PCDH15: variants seen among roughly 807,000 people sequenced by gnomAD.
PCDH15 encodes protocadherin related 15.
Under a neutral mutation model 178.5 loss-of-function variants are expected in PCDH15, and 129 were observed. That is an observed-to-expected ratio of 0.72 (90% CI 0.63 to 0.84). PCDH15 has a LOEUF of 0.84. Among genes scored for constraint, PCDH15 ranks in the 40% least tolerant of loss-of-function variants. PCDH15 has a pLI of 0.00. For missense variants in PCDH15, 2,230 were observed against 2,099.9 expected, an observed-to-expected ratio of 1.06 and a Z score of -1.21; for synonymous variants, 800 against 732.0, an observed-to-expected ratio of 1.09 and a Z score of -1.50.
intron 2 of PCDH15, among the ~76,000 whole-genome samples, chr10:55,159,197 T>C (rs1564848617): frequency 6.6e-6 from 1 of 151,444 alleles, no homozygotes; most frequent in African/African-American, 2.4e-5. Flanking sequence ...GCACCACTCA[T>C]AAAAAAAATT....
At chr10:54,133,222 G>A (rs2042597130) in intron 14 of PCDH15, among the ~76,000 whole-genome samples, 1 of 152,146 alleles carries the variant, frequency 6.6e-6, no homozygotes, top group African/African-American at 2.4e-5. Context: ...TCCAGTATCT[G>A]TTTTTCCTAC....
At chr10:54,431,400 T>G (rs2136002623) in intron 3 of PCDH15, among the ~76,000 whole-genome samples, 1 of 152,278 alleles carries the variant, frequency 6.6e-6, no homozygotes, top group African/African-American at 2.4e-5. Context: ...TTAAAAAGAT[T>G]ATTGAATATG....
intron 2 of PCDH15, among the ~76,000 whole-genome samples, chr10:55,416,992 G>A (rs1364984598): frequency 2.6e-5 from 4 of 151,626 alleles, no homozygotes; most frequent in Admixed American, 6.6e-5. Flanking sequence ...AAAGCAAAAG[G>A]GTGTCAGTAA....
intron 3 of PCDH15, among the ~76,000 whole-genome samples, chr10:54,398,346 T>C (rs1009873465): frequency 7.2e-5 from 11 of 151,794 alleles, no homozygotes; most frequent in African/African-American, 2.7e-4. Flanking sequence ...GTGAAAAAAA[T>C]AGGTTCACAC....
chr10:55,314,201 A>G lies in PCDH15; in HGVS notation c.-156+5398T>C, dbSNP rs934645444. Among the ~76,000 whole-genome samples the G allele has an allele frequency of 1.1e-3, 90 of 85,658 alleles. 1 individual carries two copies. The highest frequency in any genetic ancestry group is 3.4e-3 in the South Asian group (8 of 2,332). The allele number at this position is 85,658 out of a possible 152,430, so 56.2% of individuals were successfully genotyped here. A position where few individuals can be genotyped will look rare whatever the true frequency, so the allele number is the denominator to read the frequency against. On this transcript the variant is annotated intron_variant, in intron 1 of 5. Transcript: ENST00000458638. ...ATATACATTATATATGTTTGTGTGTATATATATATATATATATATGTAATG... is the reference window on the plus strand; with the variant it reads ...ATATACATTATATATGTTTGTGTGTGTATATATATATATATATATGTAATG...
chr10:54,245,474 A>T (rs2055829876), intron 8 of PCDH15, among the ~76,000 whole-genome samples: 1 of 152,150 alleles, frequency 6.6e-6, no homozygotes, highest in Non-Finnish European at 1.5e-5. Context: ...AAAGCTTTGG[A>T]AGATTGCCAG....
intron 2 of PCDH15, among the ~76,000 whole-genome samples, chr10:55,560,154 T>C (rs1239879736): frequency 6.6e-6 from 1 of 151,922 alleles, no homozygotes; most frequent in African/African-American, 2.4e-5. Flanking sequence ...TTGAATTAAA[T>C]TTCTGTAATA....
intron 2 of PCDH15, among the ~76,000 whole-genome samples, chr10:55,519,260 A>G (rs901676977): frequency 7.4e-6 from 1 of 135,374 alleles, no homozygotes; most frequent in African/African-American, 2.9e-5. Flanking sequence ...TTTACAGATC[A>G]CCCTCCAGCG....
intron 2 of PCDH15, among the ~76,000 whole-genome samples, chr10:54,623,533 T>A (rs969233334): frequency 1.3e-5 from 2 of 152,098 alleles, no homozygotes; most frequent in Admixed American, 1.3e-4. Flanking sequence ...TGGTACTGAT[T>A]GTTATTGTTA....
At position 54,212,958 on chromosome 10, in the gene PCDH15, C is replaced by T. The variant is rs116041409; in HGVS notation, c.1098+978G>A. The stretch of plus-strand genomic sequence containing the variant: ...GCAAATGAGAATATTACTAAAATTG[C>T]GGCAACAGTTCAATGAAAAATGCAC... On this transcript the variant is annotated intron_variant, in intron 10 of 37. Transcript: ENST00000644397. Among the ~76,000 whole-genome samples, 981 of 152,144 alleles carry T rather than the reference C, an allele frequency of 6.4e-3. 16 individuals carry two copies. The highest frequency in any genetic ancestry group is 0.023 in the African/African-American group (947 of 41,512).
chr10:54,560,728 C>G (rs1406599990), intron 2 of PCDH15, among the ~76,000 whole-genome samples: 1 of 151,926 alleles, frequency 6.6e-6, no homozygotes, highest in African/African-American at 2.4e-5. Flanking sequence ...AAAACTTGCT[C>G]TAATTTATGG....
At chr10:55,043,015 G>A (rs758946772) in intron 2 of PCDH15, among the ~76,000 whole-genome samples, 4 of 152,014 alleles carry the variant, frequency 2.6e-5, no homozygotes, top group Admixed American at 2.6e-4. Context: ...ATTCTGGTTT[G>A]AGAACTCATT....
chr10:55,607,070 A>G (rs1252994161), intron 2 of PCDH15, among the ~76,000 whole-genome samples: 1 of 152,198 alleles, frequency 6.6e-6, no homozygotes, highest in Non-Finnish European at 1.5e-5. Context: ...AAACAACCCT[A>G]TCAAAAAGTG....
At chr10:54,827,283 T>C (rs1018404869) in intron 3 of PCDH15, among the ~76,000 whole-genome samples, 4 of 152,092 alleles carry the variant, frequency 2.6e-5, no homozygotes, top group African/African-American at 9.7e-5. Flanking sequence ...CAAATATATA[T>C]AATGGTTTCA....
In PCDH15 at chr10:54,049,641, G is replaced by A. The variant is rs557750530; in HGVS notation, c.2220+17116C>T. Among the ~76,000 whole-genome samples, 74 of 146,454 alleles carry A rather than the reference G, an allele frequency of 5.1e-4. 1 individual carries two copies. Among genetic ancestry groups the A allele is most frequent in the African/African-American group, 1.8e-3 (70 of 39,988 alleles). On this transcript the variant is annotated intron_variant, in intron 18 of 37. Coordinates refer to ENST00000644397, the MANE Select transcript of PCDH15 (RefSeq NM_001384140.1). ...TTGTGATGATTTTTTTTTTTTTTGA[G>A]ACGGAGTCTCGCTCTGTCACCCAGG...
chr10:54,916,545 T>C (rs1837342025), intron 2 of PCDH15, among the ~76,000 whole-genome samples: 2 of 152,236 alleles, frequency 1.3e-5, no homozygotes, highest in South Asian at 2.1e-4. Context: ...AAACAAAACA[T>C]TTTTAAAGTT....
chr10:53,888,304 A>ATATATATATATG lies in PCDH15; in HGVS notation c.3501+14938_3501+14939insCATATATATATA, dbSNP rs1554845195. ...ACACTATATATACATATATATATAT[A>ATATATATATATG]TATATGTATATATGTACGTATATAT... On this transcript the variant is annotated intron_variant, in intron 26 of 37. Coordinates refer to ENST00000644397, the MANE Select transcript of PCDH15 (RefSeq NM_001384140.1). Among the ~76,000 whole-genome samples the ATATATATATATG allele has an allele frequency of 1.0e-3, 93 of 88,938 alleles. 2 individuals are homozygous for ATATATATATATG. The highest frequency in any genetic ancestry group is 4.9e-3 in the African/African-American group (84 of 17,232). The allele number at this position is 88,938 out of a possible 152,430, so 58.3% of individuals were successfully genotyped here.
chr10:55,227,620 A>T (rs1243241833), intron 1 of PCDH15, among the ~76,000 whole-genome samples: 1 of 152,124 alleles, frequency 6.6e-6, no homozygotes, highest in Non-Finnish European at 1.5e-5. Context: ...GTAAGGCTTA[A>T]GTCATAAGAG....
chr10:54,897,313 A>G (rs929744875), intron 3 of PCDH15: 14 of 152,302 alleles, frequency 9.2e-5, no homozygotes, highest in African/African-American at 3.1e-4. Flanking sequence ...ATTGCAACAT[A>G]TCGATGATAG....
Sources: allele counts gnomAD v4.1 joint callset (sites outside exome capture counted in the v4.1 genomes callset), GRCh38; gene constraint gnomAD v4.1.1; transcripts MANE v1.5; gene names NCBI Gene and HGNC (gene_info 2026-07-23, HGNC 2026-07-21).